The following PFKFB3 variants were observed in gnomAD, a reference collection of about 807,000 sequenced individuals.
PFKFB3 encodes the protein 6-phosphofructo-2-kinase/fructose-2,6-biphosphatase 3.
Under a neutral mutation model 68.0 loss-of-function variants are expected in PFKFB3, and 33 were observed. That is an observed-to-expected ratio of 0.49 (90% CI 0.37 to 0.65). PFKFB3 has a LOEUF of 0.65. Among genes scored for constraint, PFKFB3 ranks in the 30% least tolerant of loss-of-function variants. The pLI is 0.00. For missense variants in PFKFB3, 586 were observed against 712.2 expected (o/e 0.82, Z 2.02); for synonymous variants, 315 against 288.2 (o/e 1.09, Z -0.94).
At chr10:6,298,479 C>T in the PFKFB3 span, among the ~76,000 whole-genome samples, 1 of 151,690 alleles carries the variant, frequency 6.6e-6, no homozygotes, top group Admixed American at 6.6e-5. Context: ...GTCAAGAGAT[C>T]CTCTCATCTC....
At chr10:6,292,270 TTTTTTTTC>T in the PFKFB3 span, among the ~76,000 whole-genome samples, 2,592 of 127,592 alleles carry the variant, frequency 0.02, 152 homozygotes, top group East Asian at 0.099. Flanking sequence ...AGTGTACTTT[TTTTTTTTC>T]TTTTTTTTTT....
chr10:6,217,085 T>C, intron 5 of PFKFB3, 50 bp from the exon 6 acceptor site: 1 of 1,575,768 alleles, frequency 6.3e-7, no homozygotes, highest in African/African-American at 1.3e-5. Flanking sequence ...ATGGCAAGGT[T>C]GATCCTTCGT....
chr10:6,250,763 A>G (rs568086089), intron 14 of PFKFB3, among the ~76,000 whole-genome samples: 6 of 152,196 alleles, frequency 3.9e-5, no homozygotes, highest in Non-Finnish European at 5.9e-5. Flanking sequence ...TTGATCTTGG[A>G]CTTCCTAGCC....
At chr10:6,275,802 A>G in the PFKFB3 span, among the ~76,000 whole-genome samples, 1 of 151,422 alleles carries the variant, frequency 6.6e-6, no homozygotes, top group African/African-American at 2.4e-5. The surrounding 1 kb of genome is among the most constrained non-coding windows in gnomAD (Gnocchi z 4.9). Flanking sequence ...TTTCATAGAG[A>G]GGATTACATC....
At chr10:6,296,942 A>C in the PFKFB3 span, among the ~76,000 whole-genome samples, 1 of 152,178 alleles carries the variant, frequency 6.6e-6, no homozygotes, top group Non-Finnish European at 1.5e-5. Flanking sequence ...CCCAGCCCCT[A>C]TTCAAGATGG....
rs1430587778 is a variant in PFKFB3 at position 6,233,885 on chromosome 10, A to G, written c.*943A>G. 1 of 152,766 alleles carries G rather than the reference A, an allele frequency of 6.5e-6. No homozygotes were observed. Among genetic ancestry groups the G allele is most frequent in the Non-Finnish European group, 1.5e-5 (1 of 68,198 alleles). 9.5% of individuals were successfully genotyped at this position (152,766 alleles called of 1,614,324 possible). ...GGAACACCTGGCATCCTTCCCCAGCACTTGCATTACCGTCCCTGCTCTTCC... is the reference window on the plus strand; with the variant it reads ...GGAACACCTGGCATCCTTCCCCAGCGCTTGCATTACCGTCCCTGCTCTTCC... On this transcript the variant is annotated 3_prime_UTR_variant, in exon 15 of 15. Transcript: ENST00000379775.
the PFKFB3 span, among the ~76,000 whole-genome samples, chr10:6,307,531 TTCCTTCC>T: frequency 4.8e-5 from 7 of 146,598 alleles, no homozygotes; most frequent in African/African-American, 1.5e-4. Context: ...CCTTCCTTCC[TTCCTTCC>T]TTCCTTCCTT....
At chr10:6,158,898 G>A (rs949703472) in intron 1 of PFKFB3, among the ~76,000 whole-genome samples, 30 of 148,188 alleles carry the variant, frequency 2.0e-4, no homozygotes. Context: ...TCACCTACTC[G>A]AAACCAGCAA....
intron 14 of PFKFB3, among the ~76,000 whole-genome samples, chr10:6,232,645 ACCAGGCGGGCTCCAGG>A (rs1366672851): frequency 6.6e-6 from 1 of 151,770 alleles, no homozygotes; most frequent in Non-Finnish European, 1.5e-5. Flanking sequence ...CACGGCCCCC[ACCAGGCGGGCTCCAGG>A]CCTGGTGCCC....
intron 1 of PFKFB3, among the ~76,000 whole-genome samples, chr10:6,185,639 CTT>C (rs59230234): frequency 8.3e-6 from 1 of 120,512 alleles, no homozygotes; most frequent in Non-Finnish European, 1.7e-5. Flanking sequence ...CTCCCCGCTC[CTT>C]TTTTTTTTTT....
rs775292033 is a variant in PFKFB3, at chr10:6,228,272, T to A, written c.1515+1907T>A. On this transcript the variant is annotated intron_variant, in intron 14 of 14. Transcript: ENST00000379775. This position sits in a 1 kb window ranked among gnomAD's most constrained non-coding sequence, Gnocchi z 4.5. ...CTTGCACTGCTTTCTTCCTGCTTGCTCATTTGGCCTCCTGCCTGTTAAAAT... is the reference window on the plus strand; with the variant it reads ...CTTGCACTGCTTTCTTCCTGCTTGCACATTTGGCCTCCTGCCTGTTAAAAT... The A allele has an allele frequency of 1.3e-6, 2 of 1,597,932 alleles. No individual in the cohort carries two copies. Among genetic ancestry groups the A allele is most frequent in the Non-Finnish European group, 1.7e-6 (2 of 1,166,718 alleles).
chr10:6,189,512 CTTTT>C (rs3084089), intron 1 of PFKFB3, among the ~76,000 whole-genome samples: 2,347 of 121,152 alleles, frequency 0.019, 39 homozygotes, highest in East Asian at 0.057. Flanking sequence ...GTGAGGTTCA[CTTTT>C]TTTTTTTTTT....
the PFKFB3 span, among the ~76,000 whole-genome samples, chr10:6,261,472 A>G: frequency 2.0e-4 from 31 of 152,238 alleles, no homozygotes; most frequent in African/African-American, 6.5e-4. Flanking sequence ...GTGGGAGCTA[A>G]AATGATGAGA....
chr10:6,242,423 A>G (rs929007026), intron 14 of PFKFB3, among the ~76,000 whole-genome samples: 2 of 152,114 alleles, frequency 1.3e-5, no homozygotes, highest in Non-Finnish European at 2.9e-5. Context: ...CATCACCCCT[A>G]TGTACAGAAG....
intron 1 of PFKFB3, among the ~76,000 whole-genome samples, chr10:6,156,135 G>GTA (rs756937787): frequency 0.013 from 1,574 of 121,220 alleles, 21 homozygotes; most frequent in Admixed American, 0.041. Flanking sequence ...ATATATGTGT[G>GTA]TGTGTGTGTG....
chr10:6,192,765 A>C (rs1223902024), intron 1 of PFKFB3, among the ~76,000 whole-genome samples: 2 of 152,038 alleles, frequency 1.3e-5, no homozygotes, highest in Non-Finnish European at 2.9e-5. Context: ...ACCAAATCAT[A>C]GAGCAGCCCA....
downstream of PFKFB3, among the ~76,000 whole-genome samples, chr10:6,237,277 A>C (rs964132510): frequency 5.3e-5 from 8 of 152,246 alleles, 1 homozygote; most frequent in Admixed American, 4.6e-4. Context: ...AAGATCCCGG[A>C]GAGCAGGGCA....
rs758712431 is a variant in PFKFB3, at chr10:6,217,154, T to C, written c.461T>C (p.Val154Ala). 13 of 1,614,042 alleles carry C rather than the reference T, an allele frequency of 8.1e-6. No individual in the cohort carries two copies. The highest frequency in any genetic ancestry group is 5.0e-5 in the Admixed American group (3 of 60,004). Residue 154 changes from valine to alanine, a missense_variant, in exon 6 of 15, where the codon GTG (valine) becomes GCG (alanine). By Grantham distance (64) the Val-to-Ala change is moderately conservative. Transcript: ENST00000379775. ...CACCAGGCGTTTTTCATCGAGTCGG[T>C]GTGCGACGACCCTACAGTTGTGGCC... ...NDFKAFFIES[V>A]CDDPTVVASN... is the part of the protein sequence containing the mutation.
intron 1 of PFKFB3, among the ~76,000 whole-genome samples, chr10:6,193,472 G>A (rs1004032451): frequency 2.6e-5 from 4 of 152,166 alleles, no homozygotes; most frequent in African/African-American, 4.8e-5. Flanking sequence ...TCTCCATGTC[G>A]GACACTGTGG....
Sources: allele counts gnomAD v4.1 joint callset (sites outside exome capture counted in the v4.1 genomes callset), GRCh38; gene constraint gnomAD v4.1.1; non-coding constraint Gnocchi (gnomAD v3.1); transcripts MANE v1.5; gene names NCBI Gene and HGNC (gene_info 2026-07-23, HGNC 2026-07-21).